Variants in PDE4B observed in about 807,000 individuals in gnomAD.
PDE4B encodes phosphodiesterase 4B.
PDE4B carries 20 observed loss-of-function variants against 82.2 expected under a neutral mutation model. That is an observed-to-expected ratio of 0.24 (90% confidence interval 0.17 to 0.35). The LOEUF (loss-of-function observed/expected upper bound fraction) is 0.35. PDE4B is among the 10% of genes least tolerant of loss of function. The pLI, the probability that PDE4B is intolerant of heterozygous loss-of-function variation, is 1.00. For synonymous variants in PDE4B, 320 were observed against 318.9 expected, an observed-to-expected ratio of 1.00 and a Z score of -0.04; for missense variants, 655 against 907.2, an observed-to-expected ratio of 0.72 and a Z score of 3.57.
Position 66,014,692 on chromosome 1 carries a change from G to A in PDE4B, c.281+95857G>A, listed in dbSNP as rs1652674458. On this transcript the variant is annotated intron_variant, in intron 3 of 16. Coordinates refer to ENST00000341517, the MANE Select transcript of PDE4B (RefSeq NM_002600.4). The stretch of plus-strand genomic sequence containing the variant: ...ATCACGACTAAAGTTCTCAACTGGG[G>A]GCTCTTTTCTCCTGGCGAGAACATT... Among the ~76,000 whole-genome samples the A allele has an allele frequency of 4.6e-5, 7 of 152,214 alleles. No individual in the cohort carries two copies. The South Asian group carries it at 1.4e-3, about 32-fold the overall frequency.
chr1:66,207,364 C>T (rs1047185113), intron 3 of PDE4B, among the ~76,000 whole-genome samples: 5 of 152,224 alleles, frequency 3.3e-5, no homozygotes, highest in Non-Finnish European at 7.4e-5. Context: ...ATTTCAGAAA[C>T]TGAACCCCAA....
chr1:66,355,516 T>A lies in PDE4B; in HGVS notation c.748-11T>A. The A allele has an allele frequency of 6.3e-7, 1 of 1,591,406 alleles. No homozygotes were observed. The highest frequency in any genetic ancestry group is 1.1e-5 in the South Asian group (1 of 89,762). On this transcript the variant is annotated splice_polypyrimidine_tract_variant and intron_variant, in intron 8 of 16. Coordinates refer to ENST00000341517, the MANE Select transcript of PDE4B (RefSeq NM_002600.4). ...TAAAGTGGTTAATGCATTTTTGTTC[T>A]TTATAAACAGTTCAAAAGAATGCTG...
intron 3 of PDE4B, among the ~76,000 whole-genome samples, chr1:66,022,787 T>C (rs902350126): frequency 1.3e-5 from 2 of 152,176 alleles, no homozygotes; most frequent in African/African-American, 2.4e-5. Context: ...GTTGTGTCTC[T>C]GCCAGGCTTT....
At chr1:65,842,469 T>G (rs984441845) in intron 1 of PDE4B, among the ~76,000 whole-genome samples, 2 of 152,146 alleles carry the variant, frequency 1.3e-5, no homozygotes, top group African/African-American at 4.8e-5. Context: ...CAACATATAT[T>G]GTATCATGAT....
intron 3 of PDE4B, among the ~76,000 whole-genome samples, chr1:66,189,026 C>G (rs1461281842): frequency 6.6e-6 from 1 of 150,892 alleles, no homozygotes; most frequent in Non-Finnish European, 1.5e-5. Flanking sequence ...TTAGGGCAAG[C>G]CTGGTGGTGA....
Position 65,866,406 on chromosome 1 carries a change from A to G in PDE4B, c.-70-46839A>G, listed in dbSNP as rs572722369. ...TAACACACTCAAACTCAATCAAAAT[A>G]AAGATTAAAGCAATTTCCCCAGAAA... is the stretch of plus-strand genomic sequence containing the variant. On this transcript the variant is annotated intron_variant, in intron 1 of 16. Coordinates refer to ENST00000341517, the MANE Select transcript of PDE4B (RefSeq NM_002600.4). 9.2e-5 allele frequency among the ~76,000 whole-genome samples: 14 copies of G among 152,354 alleles called. No homozygotes were observed. The South Asian group carries it at 2.3e-3, about 25-fold the overall frequency.
chr1:66,340,792 C>A lies in PDE4B; in HGVS notation c.747+8172C>A, dbSNP rs183917895. On this transcript the variant is annotated intron_variant, in intron 8 of 16. Transcript: ENST00000341517. ...GACAAGAGGTGTTGGCATTTGATATCTAAAAAGATAGATTTTAAGTAGTTG... is the reference window on the plus strand; with the variant it reads ...GACAAGAGGTGTTGGCATTTGATATATAAAAAGATAGATTTTAAGTAGTTG... Among the ~76,000 whole-genome samples the A allele has an allele frequency of 2.2e-3, 338 of 151,772 alleles. 1 individual carries two copies. The highest frequency in any genetic ancestry group is 0.011 in the South Asian group (53 of 4,780).
At chr1:65,947,533 T>A (rs1166298771) in intron 3 of PDE4B, among the ~76,000 whole-genome samples, 1 of 152,038 alleles carries the variant, frequency 6.6e-6, no homozygotes. Context: ...TATCTATGAA[T>A]GTGACCTTGT....
intron 3 of PDE4B, among the ~76,000 whole-genome samples, chr1:65,962,760 G>A (rs1163687821): frequency 1.3e-5 from 2 of 152,248 alleles, no homozygotes; most frequent in African/African-American, 4.8e-5. Flanking sequence ...TAGGCCTCAC[G>A]AGGCAGGTCT....
At chr1:66,237,206 T>C (rs1652526558) in intron 3 of PDE4B, among the ~76,000 whole-genome samples, 1 of 152,232 alleles carries the variant, frequency 6.6e-6, no homozygotes, top group East Asian at 1.9e-4. Flanking sequence ...AATGCCAGGC[T>C]GTCTGCAGGT....
intron 7 of PDE4B, among the ~76,000 whole-genome samples, chr1:66,312,078 G>A (rs1014567883): frequency 1.3e-5 from 2 of 152,188 alleles, no homozygotes; most frequent in Non-Finnish European, 2.9e-5. Context: ...AATAGTAAAA[G>A]CAGCTCCTTT....
chr1:66,109,755 A>C (rs1645443147), intron 3 of PDE4B, among the ~76,000 whole-genome samples: 1 of 151,940 alleles, frequency 6.6e-6, no homozygotes, highest in Non-Finnish European at 1.5e-5. Flanking sequence ...GGATATATTG[A>C]GTATTGGTAG....
At chr1:65,959,200 T>C (rs1465986547) in intron 3 of PDE4B, among the ~76,000 whole-genome samples, 3 of 152,234 alleles carry the variant, frequency 2.0e-5, no homozygotes, top group African/African-American at 7.2e-5. Flanking sequence ...AAATTTAGTT[T>C]TGAAAACAAT....
At chr1:66,080,902 C>G (rs1656689643) in intron 3 of PDE4B, among the ~76,000 whole-genome samples, 1 of 152,082 alleles carries the variant, frequency 6.6e-6, no homozygotes, top group South Asian at 2.1e-4. Context: ...TTGCTCCTAT[C>G]CCTCTCTCCA....
At chr1:66,176,743 A>G (rs1646938920) in intron 3 of PDE4B, among the ~76,000 whole-genome samples, 1 of 152,248 alleles carries the variant, frequency 6.6e-6, no homozygotes, top group African/African-American at 2.4e-5. Context: ...TCTTAAATAT[A>G]TGAATTATTC....
In PDE4B at chr1:66,372,730, T is replaced by C; in HGVS notation, c.*52T>C. The C allele has an allele frequency of 6.4e-7, 1 of 1,563,504 alleles. No individual in the cohort carries two copies. Among genetic ancestry groups the C allele is most frequent in the Non-Finnish European group, 8.7e-7 (1 of 1,151,944 alleles). Reference sequence around the variant, plus strand: ...TTCTATCCTTGATGAGCATGCCAGCTATGTGGTAGGGCCAGCCCACCATGG... The same window carrying C: ...TTCTATCCTTGATGAGCATGCCAGCCATGTGGTAGGGCCAGCCCACCATGG... On this transcript the variant is annotated 3_prime_UTR_variant, in exon 17 of 17. Transcript: ENST00000341517.
intron 3 of PDE4B, among the ~76,000 whole-genome samples, chr1:66,049,763 T>G (rs1003479478): frequency 3.3e-5 from 5 of 151,882 alleles, no homozygotes; most frequent in African/African-American, 1.2e-4. Context: ...GGCAGCAAGG[T>G]GGGGTTGGAT....
chr1:66,026,924 A>C (rs1001216592), intron 3 of PDE4B, among the ~76,000 whole-genome samples: 1 of 152,234 alleles, frequency 6.6e-6, no homozygotes, highest in Non-Finnish European at 1.5e-5. Flanking sequence ...CTATTCTACA[A>C]TACATGGCTC....
At chr1:65,921,293 G>A (rs1183239848) in intron 3 of PDE4B, among the ~76,000 whole-genome samples, 4 of 152,016 alleles carry the variant, frequency 2.6e-5, no homozygotes, top group Non-Finnish European at 5.9e-5. Flanking sequence ...AACATCTCTT[G>A]AAAATCCAGC....
Sources: allele counts gnomAD v4.1 joint callset (sites outside exome capture counted in the v4.1 genomes callset), GRCh38; gene constraint gnomAD v4.1.1; transcripts MANE v1.5; gene names NCBI Gene and HGNC (gene_info 2026-07-23, HGNC 2026-07-21).